L3MBTL4: variants seen among roughly 807,000 people sequenced by gnomAD.
L3MBTL4 encodes the protein lethal(3)malignant brain tumor-like protein 4.
A neutral mutation model predicts 84.5 loss-of-function variants in L3MBTL4; 70 were observed. The ratio of observed to expected loss-of-function variants is 0.83; its 90% CI spans 0.68 to 1.01. The LOEUF (loss-of-function observed/expected upper bound fraction) is 1.01. Ranked by LOEUF, L3MBTL4 falls within the 50% of genes least tolerant of loss-of-function variation. The probability of loss-of-function intolerance (pLI) is 0.00; values close to 1 mark genes in which losing one functional copy is unlikely to be tolerated. For missense variants in L3MBTL4, 715 were observed against 754.8 expected (o/e 0.95, Z 0.62); for synonymous variants, 274 against 259.8 (o/e 1.05, Z -0.52).
chr18:6,386,150 C>T (rs116817287), intron 1 of L3MBTL4, among the ~76,000 whole-genome samples: 325 of 152,252 alleles, frequency 2.1e-3, no homozygotes, highest in African/African-American at 7.5e-3. Context: ...AAAGCCTGCA[C>T]TACAACTAGG....
chr18:6,301,884 A>T lies in L3MBTL4; in HGVS notation c.127+19T>A. The T allele has an allele frequency of 1.9e-6, 3 of 1,595,724 alleles. No homozygotes were observed. Among genetic ancestry groups the T allele is most frequent in the Non-Finnish European group, 2.6e-6 (3 of 1,163,162 alleles). On this transcript the variant is annotated intron_variant, in intron 4 of 18. Transcript: ENST00000317931. ...TTTGTTCACTGTGAACTACCACTGT[A>T]AATATTGGTGATAATTACCGTGACT...
chr18:6,052,865 C>T (rs987488881), intron 16 of L3MBTL4, among the ~76,000 whole-genome samples: 14 of 152,278 alleles, frequency 9.2e-5, no homozygotes, highest in African/African-American at 3.1e-4. Context: ...CTGCAGTGGA[C>T]GAAATCGTGC....
intron 16 of L3MBTL4, among the ~76,000 whole-genome samples, chr18:5,978,038 G>A (rs2053031239): frequency 6.6e-6 from 1 of 152,226 alleles, no homozygotes; most frequent in Admixed American, 6.5e-5. Flanking sequence ...ATGGTGCGGT[G>A]TAGCAGGGGT....
At chr18:6,301,279 T>G (rs2050326520) in intron 4 of L3MBTL4, among the ~76,000 whole-genome samples, 2 of 152,192 alleles carry the variant, frequency 1.3e-5, no homozygotes, top group African/African-American at 2.4e-5. Flanking sequence ...AACACAAATG[T>G]TGTTGGACAT....
chr18:6,043,517 C>T (rs2056492164), intron 16 of L3MBTL4, among the ~76,000 whole-genome samples: 1 of 152,210 alleles, frequency 6.6e-6, no homozygotes, highest in African/African-American at 2.4e-5. Context: ...CCAGCAATTT[C>T]ATCTCAATTC....
chr18:6,228,438 T>C (rs1176180740), intron 10 of L3MBTL4, among the ~76,000 whole-genome samples: 1 of 152,160 alleles, frequency 6.6e-6, no homozygotes, highest in Admixed American at 6.5e-5. Flanking sequence ...AACAATATTG[T>C]TCAGAAAATG....
At chr18:6,342,076 A>C (rs577129274) in intron 1 of L3MBTL4, among the ~76,000 whole-genome samples, 1 of 152,284 alleles carries the variant, frequency 6.6e-6, no homozygotes, top group East Asian at 1.9e-4. Context: ...TTCCTAGAAA[A>C]ACAAAAGCTG....
intron 1 of L3MBTL4, among the ~76,000 whole-genome samples, chr18:6,345,525 T>C (rs761992327): frequency 2.2e-4 from 34 of 152,062 alleles, no homozygotes; most frequent in Admixed American, 9.8e-4. Context: ...GTTGTTGCTA[T>C]ACACTGACAA....
chr18:6,040,688 C>T (rs985393272), intron 16 of L3MBTL4, among the ~76,000 whole-genome samples: 1 of 152,126 alleles, frequency 6.6e-6, no homozygotes, highest in African/African-American at 2.4e-5. Flanking sequence ...TCACTCAGTG[C>T]TTGAAACCTT....
chr18:6,284,100 A>G (rs1472594205), intron 4 of L3MBTL4, among the ~76,000 whole-genome samples: 2 of 152,162 alleles, frequency 1.3e-5, no homozygotes, highest in South Asian at 2.1e-4. Flanking sequence ...GTCTTAGGGG[A>G]AAATCTTTGT....
Position 6,414,911 on chromosome 18 carries a change from C to T in L3MBTL4, c.-201G>A, listed in dbSNP as rs868854417. 1 of 149,466 alleles carries T rather than the reference C, an allele frequency of 6.7e-6. No homozygotes were observed. Among genetic ancestry groups the T allele is most frequent in the Non-Finnish European group, 1.5e-5 (1 of 67,090 alleles). The allele number at this position is 149,466 out of a possible 1,614,324, so 9.3% of individuals were successfully genotyped here. Reference sequence around the variant, plus strand: ...TGCGGCGCCGCTGCCCCGCGGTGCCCGGCGGGAGGGGCGCGAGGGTGCACG... The same window carrying T: ...TGCGGCGCCGCTGCCCCGCGGTGCCTGGCGGGAGGGGCGCGAGGGTGCACG... On this transcript the variant is annotated 5_prime_UTR_variant, in exon 1 of 19. Transcript: ENST00000317931. This position sits in a 1 kb window ranked among gnomAD's most constrained non-coding sequence, Gnocchi z 5.4.
At chr18:6,299,234 A>G (rs557142498) in intron 4 of L3MBTL4, among the ~76,000 whole-genome samples, 1 of 152,326 alleles carries the variant, frequency 6.6e-6, no homozygotes, top group South Asian at 2.1e-4. Context: ...CAATCTCAGC[A>G]TGACTATGTC....
chr18:6,214,151 A>G (rs2046229799), intron 11 of L3MBTL4, among the ~76,000 whole-genome samples: 1 of 152,206 alleles, frequency 6.6e-6, no homozygotes, highest in African/African-American at 2.4e-5. Context: ...TTGTCATTTC[A>G]TCTGTAACAA....
intron 16 of L3MBTL4, among the ~76,000 whole-genome samples, chr18:5,982,178 T>C (rs972989349): frequency 6.6e-6 from 1 of 152,176 alleles, no homozygotes; most frequent in African/African-American, 2.4e-5. Context: ...AGAGTCCTGC[T>C]AGTGGAGCTA....
chr18:6,338,547 T>A (rs1191610098), intron 1 of L3MBTL4, among the ~76,000 whole-genome samples: 1 of 151,970 alleles, frequency 6.6e-6, no homozygotes, highest in Non-Finnish European at 1.5e-5. Context: ...CTAATCATTA[T>A]AGTAAACACA....
At position 6,052,374 on chromosome 18, in the gene L3MBTL4, A is replaced by G. The variant is rs115911245; in HGVS notation, c.1444+28507T>C. Among the ~76,000 whole-genome samples, 272 of 152,316 alleles carry G rather than the reference A, an allele frequency of 1.8e-3. 3 individuals are homozygous for G. Among genetic ancestry groups the G allele is most frequent in the African/African-American group, 5.8e-3 (242 of 41,568 alleles). On this transcript the variant is annotated intron_variant, in intron 16 of 18. Transcript: ENST00000317931. ...TTCTGAATCACAAAGCAATACAAATATGTTCAGCATTTTTCAGTATCAAAT... is the reference window on the plus strand; with the variant it reads ...TTCTGAATCACAAAGCAATACAAATGTGTTCAGCATTTTTCAGTATCAAAT...
intron 4 of L3MBTL4, among the ~76,000 whole-genome samples, chr18:6,283,374 T>C (rs1599473352): frequency 6.6e-6 from 1 of 152,212 alleles, no homozygotes; most frequent in East Asian, 1.9e-4. Context: ...TTTCTGGTTA[T>C]GTAAGAAAAG....
chr18:6,343,025 C>T (rs1436066612), intron 1 of L3MBTL4, among the ~76,000 whole-genome samples: 1 of 152,142 alleles, frequency 6.6e-6, no homozygotes, highest in Non-Finnish European at 1.5e-5. Flanking sequence ...GGGGTCCATG[C>T]ATCAAGAGGA....
chr18:6,110,852 G>T lies in L3MBTL4; in HGVS notation c.1200-17324C>A, dbSNP rs569167536. Among the ~76,000 whole-genome samples, 17 of 152,184 alleles carry T rather than the reference G, an allele frequency of 1.1e-4. No homozygotes were observed. The East Asian group carries it at 3.1e-3, about 28-fold the overall frequency. On this transcript the variant is annotated intron_variant, in intron 14 of 18. Transcript: ENST00000317931. ...AGGGTAAGAGAGGAGGAAAGTGCTG[G>T]ATAGACGCATTCTCATTTTCTAATT...
Sources: gnomAD v4.1 joint callset for allele counts (sites outside exome capture counted in the v4.1 genomes callset) on GRCh38, gnomAD v4.1.1 for gene constraint, Gnocchi (gnomAD v3.1) non-coding constraint, MANE v1.5 for transcripts, NCBI Gene and HGNC (gene_info 2026-07-23, HGNC 2026-07-21) for gene names.